The following CD300E variants were observed in gnomAD, a reference collection of about 807,000 sequenced individuals.
CD300E encodes CMRF35-like molecule 2.
Under a neutral mutation model 20.9 loss-of-function variants are expected in CD300E, and 14 were observed. That is an observed-to-expected ratio of 0.67 (90% confidence interval 0.44 to 1.05). The LOEUF (loss-of-function observed/expected upper bound fraction) is 1.05, where lower values mean the gene tolerates loss of function less well. Among genes scored for constraint, CD300E ranks in the 50% least tolerant of loss-of-function variants. The pLI is 0.00. For synonymous variants in CD300E, 102 were observed against 103.7 expected (o/e 0.98, Z 0.10); for missense variants, 237 against 253.9 (o/e 0.93, Z 0.45).
chr17:74,622,400 C>T (rs962524866), intron 1 of CD300E, among the ~76,000 whole-genome samples: 2 of 151,978 alleles, frequency 1.3e-5, no homozygotes, highest in Non-Finnish European at 2.9e-5. Context: ...CTTGAGCCCA[C>T]GAGTTTGGGT....
chr17:74,623,686 A>G lies in CD300E; in HGVS notation c.-65T>C, dbSNP rs1242025945. On this transcript the variant is annotated 5_prime_UTR_variant, in exon 1 of 4. Transcript: ENST00000392619. The stretch of plus-strand genomic sequence containing the variant: ...TCCCAGCTGGAATCCAAGTATATGT[A>G]ACGGAGCCTGGGTCATCCACTTTCT... 2 of 1,553,546 alleles carry G rather than the reference A, an allele frequency of 1.3e-6. No homozygotes were observed. Among genetic ancestry groups the G allele is most frequent in the Non-Finnish European group, 1.8e-6 (2 of 1,124,840 alleles).
intron 1 of CD300E, among the ~76,000 whole-genome samples, chr17:74,617,862 A>C (rs1270196149): frequency 2.6e-5 from 4 of 152,246 alleles, no homozygotes; most frequent in Non-Finnish European, 5.9e-5. Flanking sequence ...ATTCTTTAAA[A>C]GCACAACTTG....
At position 74,612,745 on chromosome 17, in the gene CD300E, G is replaced by T. The variant is rs2030811742; in HGVS notation, c.526C>A (p.Leu176Ile). The stretch of plus-strand genomic sequence containing the variant: ...AGGGGCAGCTTCAGAAGGACCACGA[G>T]CAGGAAGTGAGGGCTGCTGAGCCGG... Reference protein sequence around the residue: ...GFRLSSPHFLLVVLLKLPLLL... With the variant: ...GFRLSSPHFLIVVLLKLPLLL... The change falls in exon 4 of 4, where the codon CTC becomes ATC. Residue 176 changes from leucine to isoleucine, a missense_variant. Transcript: ENST00000392619. The T allele has an allele frequency of 6.2e-7, 1 of 1,613,900 alleles. No individual in the cohort carries two copies. The highest frequency in any genetic ancestry group is 8.5e-7 in the Non-Finnish European group (1 of 1,179,994).
rs550458460 is a variant in CD300E at position 74,610,006 on chromosome 17, G to C, written c.*2647C>G. 6 of 152,400 alleles carry C rather than the reference G, an allele frequency of 3.9e-5. No homozygotes were observed. In the East Asian group the frequency reaches 1.2e-3, roughly 29 times the overall value. 9.4% of individuals were successfully genotyped at this position (152,400 alleles called of 1,614,324 possible). On this transcript the variant is annotated 3_prime_UTR_variant, in exon 4 of 4. Coordinates refer to ENST00000392619, the MANE Select transcript of CD300E (RefSeq NM_181449.3). ...TCAAAGCATGGAGAAGCCACTGTTTGTTTCTCCTGCACCTGCTGTCTGCCA... is the reference window on the plus strand; with the variant it reads ...TCAAAGCATGGAGAAGCCACTGTTTCTTTCTCCTGCACCTGCTGTCTGCCA...
chr17:74,622,761 T>C (rs2031047991), intron 1 of CD300E, among the ~76,000 whole-genome samples: 1 of 149,670 alleles, frequency 6.7e-6, no homozygotes, highest in Admixed American at 6.7e-5. Context: ...TCAGACAGGA[T>C]CTCAACTCTA....
chr17:74,612,840 C>T, intron 3 of CD300E, 67 bp from the exon 4 acceptor site: 5 of 1,587,120 alleles, frequency 3.2e-6, no homozygotes, highest in South Asian at 1.1e-5. Flanking sequence ...CTCTCCCCAC[C>T]TCTCCCCATG....
At chr17:74,619,905 T>C (rs1376314401) in intron 1 of CD300E, among the ~76,000 whole-genome samples, 1 of 152,198 alleles carries the variant, frequency 6.6e-6, no homozygotes, top group Non-Finnish European at 1.5e-5. Flanking sequence ...ACCCCAAACC[T>C]AGCAAATCTG....
chr17:74,617,426 G>A lies in CD300E; in HGVS notation c.80C>T (p.Thr27Ile). 1.2e-6 allele frequency: 2 copies of A among 1,613,908 alleles called. No homozygotes were observed. Among genetic ancestry groups the A allele is most frequent in the Non-Finnish European group, 8.5e-7 (1 of 1,179,998 alleles). The change falls in exon 2 of 4, where the codon ACT becomes ATT. Residue 27 changes from threonine to isoleucine, a missense_variant. Physicochemically the swap from Thr to Ile is moderately conservative, Grantham distance 89. Coordinates refer to ENST00000392619, the MANE Select transcript of CD300E (RefSeq NM_181449.3). ...CCACACTGTCAGAGAGTCCCCCGCA[G>A]TGCCAGTCACAGAGCCGGGGCCCTT... ...SLKGPGSVTG[T>I]AGDSLTVWCQ...
intron 2 of CD300E, among the ~76,000 whole-genome samples, chr17:74,616,482 A>G (rs983838895): frequency 1.3e-5 from 2 of 152,144 alleles, no homozygotes; most frequent in African/African-American, 4.8e-5. Flanking sequence ...GAGTGGAGGC[A>G]CTGGCAGGAC....
Position 74,617,156 on chromosome 17 carries a change from C to G in CD300E, c.350G>C (p.Arg117Pro). 1 of 1,614,194 alleles carries G rather than the reference C, an allele frequency of 6.2e-7. No individual in the cohort carries two copies. The highest frequency in any genetic ancestry group is 1.7e-5 in the Admixed American group (1 of 60,024). ...QTVWVLDSWS[R>P]DPSDLVRVYV... ...CACCCTAACCAGGTCCGAGGGATCG[C>G]GTGACCATGAATCCAGGACCCACAC... The change falls in exon 2 of 4, where the codon CGC becomes CCC. Residue 117 changes from arginine (R) to proline (P), a missense_variant. Coordinates refer to ENST00000392619, the MANE Select transcript of CD300E (RefSeq NM_181449.3).
At chr17:74,621,568 G>C (rs2031022930) in intron 1 of CD300E, among the ~76,000 whole-genome samples, 1 of 152,240 alleles carries the variant, frequency 6.6e-6, no homozygotes, top group Non-Finnish European at 1.5e-5. Context: ...ATGCGTCGGT[G>C]CATTTGTTGA....
rs764974998 is a variant in CD300E, at chr17:74,617,205, A to G, written c.301T>C (p.Ser101Pro). The G allele has an allele frequency of 6.2e-7, 1 of 1,614,050 alleles. No individual in the cohort carries two copies. The highest frequency in any genetic ancestry group is 1.3e-5 in the African/African-American group (1 of 74,898). Reference protein sequence around the residue: ...MQNLNEDDAGSYWCKIQTVWV... With the variant: ...MQNLNEDDAGPYWCKIQTVWV... ...ACTGTCTGAATTTTGCACCAGTAAGATCCAGCATCATCTTCATTGAGGTTC... is the reference window on the plus strand; with the variant it reads ...ACTGTCTGAATTTTGCACCAGTAAGGTCCAGCATCATCTTCATTGAGGTTC... The change falls in exon 2 of 4, where the codon TCT becomes CCT. Residue 101 changes from serine to proline, a missense_variant. Coordinates refer to ENST00000392619, the MANE Select transcript of CD300E (RefSeq NM_181449.3).
At chr17:74,614,565 C>T (rs1040490896) in intron 2 of CD300E, among the ~76,000 whole-genome samples, 3 of 151,508 alleles carry the variant, frequency 2.0e-5, no homozygotes, top group Non-Finnish European at 4.4e-5. Flanking sequence ...TCACCACAAC[C>T]TCCACCTCCC....
chr17:74,621,541 T>C (rs1258576439), intron 1 of CD300E, among the ~76,000 whole-genome samples: 1 of 152,236 alleles, frequency 6.6e-6, no homozygotes, highest in Non-Finnish European at 1.5e-5. Context: ...CTGGAAATAA[T>C]TGATGGAATT....
rs536481561 is a variant in CD300E at position 74,621,402 on chromosome 17, T to C, written c.40+2180A>G. On this transcript the variant is annotated intron_variant, in intron 1 of 3. Transcript: ENST00000392619. ...TGATGAGAGAGTGTTCCATGACCCA[T>C]GATCTAATTCTGGGCACCTGAAGTT... is the stretch of plus-strand genomic sequence containing the variant. Among the ~76,000 whole-genome samples, 10 of 152,272 alleles carry C rather than the reference T, an allele frequency of 6.6e-5. No homozygotes were observed. The East Asian group carries it at 1.9e-3, about 29-fold the overall frequency.
intron 1 of CD300E, among the ~76,000 whole-genome samples, chr17:74,621,227 T>C (rs2031015814): frequency 6.6e-6 from 1 of 152,166 alleles, no homozygotes; most frequent in Non-Finnish European, 1.5e-5. Context: ...CAAATTACTG[T>C]TGTTTGAAAG....
At chr17:74,615,029 G>C (rs937530743) in intron 2 of CD300E, among the ~76,000 whole-genome samples, 1 of 152,216 alleles carries the variant, frequency 6.6e-6, no homozygotes, top group Non-Finnish European at 1.5e-5. Context: ...TTCGTTGATG[G>C]ACGTGGCATG....
Position 74,613,979 on chromosome 17 carries a change from A to G in CD300E, c.443T>C (p.Val148Ala), listed in dbSNP as rs1457848061. ...GCTGAGGTTTCGCCCAGGGTTCACC[A>G]CCAGGAAGATGGGAGGTGTGGCTGG... ...THPATPPIFL[V>A]VNPGRNLSTG... The change falls in exon 3 of 4, where the codon GTG becomes GCG. Residue 148 changes from valine to alanine, a missense_variant. Transcript: ENST00000392619. The G allele has an allele frequency of 6.2e-7, 1 of 1,613,870 alleles. No homozygotes were observed. Among genetic ancestry groups the G allele is most frequent in the Non-Finnish European group, 8.5e-7 (1 of 1,179,956 alleles).
intron 1 of CD300E, among the ~76,000 whole-genome samples, chr17:74,620,547 G>T (rs146055392): frequency 6.6e-6 from 1 of 152,000 alleles, no homozygotes; most frequent in East Asian, 1.9e-4. Flanking sequence ...GGAGGCTGAG[G>T]CAGGAGAATC....
Sources: gnomAD v4.1 joint callset for allele counts (sites outside exome capture counted in the v4.1 genomes callset) on GRCh38, gnomAD v4.1.1 for gene constraint, MANE v1.5 for transcripts, NCBI Gene and HGNC (gene_info 2026-07-23, HGNC 2026-07-21) for gene names.